DMTN: variants seen among roughly 807,000 people sequenced by gnomAD.
DMTN encodes the protein dematin actin binding protein, also known as dematin.
In DMTN, 27 loss-of-function variants were observed where a neutral mutation model predicts 59.4. That is an observed-to-expected ratio of 0.45 (90% CI 0.33 to 0.63). The LOEUF is 0.63. Among genes scored for constraint, DMTN ranks in the 20% least tolerant of loss-of-function variants. The pLI is 0.02. For missense variants in DMTN, 451 were observed against 528.9 expected (o/e 0.85, Z 1.45); for synonymous variants, 221 against 203.7 (o/e 1.08, Z -0.72).
chr8:22,069,811 C>G lies in DMTN; in HGVS notation c.395-70C>G, dbSNP rs75492119. 4,205 of 1,553,998 alleles carry G rather than the reference C, an allele frequency of 2.7e-3. 102 individuals carry two copies. The African/African-American group carries it at 0.052, about 19-fold the overall frequency. On this transcript the variant is annotated intron_variant, in intron 6 of 15. Coordinates refer to ENST00000358242, the MANE Select transcript of DMTN (RefSeq NM_001387751.1). ...TCCCCACCTTGTCCCGTTCCATCAT[C>G]TCCATTCTCCTGGCCCCAGCCTCCC... is the stretch of plus-strand genomic sequence containing the variant.
Position 22,082,249 on chromosome 8 carries a change from T to A in DMTN, c.*786T>A, listed in dbSNP as rs2131637064. On this transcript the variant is annotated 3_prime_UTR_variant, in exon 16 of 16. Transcript: ENST00000358242. ...ATTTTGGAGTGTCCTGGCTACCAGC[T>A]CTCACCTACACCCACGCACCCCCCC... 2 of 456,834 alleles carry A rather than the reference T, an allele frequency of 4.4e-6. No individual in the cohort carries two copies. Among genetic ancestry groups the A allele is most frequent in the Non-Finnish European group, 8.8e-6 (2 of 226,982 alleles). The allele number at this position is 456,834 out of a possible 1,614,324, so 28.3% of individuals were successfully genotyped here.
chr8:22,049,571 C>G (rs1585551345), upstream of DMTN, among the ~76,000 whole-genome samples: 51 of 15,614 alleles, frequency 3.3e-3, no homozygotes, highest in South Asian at 0.078. Flanking sequence ...CAGGGACAAC[C>G]CCCCCCCCCC....
Position 22,069,434 on chromosome 8 carries a change from C to T in DMTN, c.310C>T (p.Arg104Trp), listed in dbSNP as rs1585938627. ...PPSPEVWADS[R>W]SPGIISQASA... ...TGCTCTGCAGGTGTGGGCGGACAGC[C>T]GGTCGCCTGGAATCATCTCTCAGGC... Residue 104 changes from arginine to tryptophan, a missense_variant, in exon 6 of 16, where the codon CGG becomes TGG. Arg to Trp is a moderately radical substitution (Grantham distance 101, BLOSUM62 -3). Transcript: ENST00000358242. 6.2e-6 allele frequency: 10 copies of T among 1,613,096 alleles called. No individual in the cohort carries two copies. Among genetic ancestry groups the T allele is most frequent in the South Asian group, 1.1e-5 (1 of 90,982 alleles).
At chr8:22,067,924 C>G (rs915305542) in intron 4 of DMTN, among the ~76,000 whole-genome samples, 4 of 152,202 alleles carry the variant, frequency 2.6e-5, no homozygotes, top group Non-Finnish European at 5.9e-5. Flanking sequence ...CAGCAACACA[C>G]AAGAGGCACA....
chr8:22,069,709 G>A (rs1388825973), intron 6 of DMTN, among the ~76,000 whole-genome samples, 172 bp from the exon 7 acceptor site: 1 of 152,148 alleles, frequency 6.6e-6, no homozygotes, highest in Non-Finnish European at 1.5e-5. Context: ...CCGGAAAAGT[G>A]TAAAATGTCC....
At chr8:22,067,493 G>C (rs1435229804) in intron 3 of DMTN, 34 bp from the exon 4 acceptor site, 1 of 1,612,338 alleles carries the variant, frequency 6.2e-7, no homozygotes, top group Non-Finnish European at 8.5e-7. Flanking sequence ...CGGGGCTTTC[G>C]GCACAGCAGT....
At chr8:22,076,204 G>C (rs1177068975) in intron 10 of DMTN, among the ~76,000 whole-genome samples, 1 of 152,170 alleles carries the variant, frequency 6.6e-6, no homozygotes, top group African/African-American at 2.4e-5. Flanking sequence ...GGTGGAAGGT[G>C]CATCTGGCAG....
At chr8:22,080,300 G>A (rs1479770838) in intron 11 of DMTN, 56 bp downstream of exon 11, 1 of 1,613,304 alleles carries the variant, frequency 6.2e-7, no homozygotes, top group African/African-American at 1.3e-5. Context: ...CATGTGGGGT[G>A]CTGAGGGACT....
intron 6 of DMTN, 81 bp downstream of exon 6, chr8:22,069,599 A>T: frequency 8.1e-7 from 1 of 1,234,624 alleles, no homozygotes; most frequent in South Asian, 1.5e-5. Flanking sequence ...TCAGTCCCCC[A>T]CTCTCTGGGG....
intron 4 of DMTN, among the ~76,000 whole-genome samples, chr8:22,068,140 C>T (rs1231574835): frequency 1.3e-5 from 2 of 152,198 alleles, no homozygotes; most frequent in African/African-American, 2.4e-5. Flanking sequence ...AGGGTAGCGT[C>T]GTGGCTGACC....
chr8:22,081,094 C>CGGCGG lies in DMTN; in HGVS notation c.1024-19_1024-18insGGCGG. ...AGGATATTCTGTGAGCCTAAGATTG[C>CGGCGG]CCCTCCCCCCACCCCCAGATCTATC... is the stretch of plus-strand genomic sequence containing the variant. On this transcript the variant is annotated intron_variant, in intron 14 of 15. Coordinates refer to ENST00000358242, the MANE Select transcript of DMTN (RefSeq NM_001387751.1). 1 of 599,792 alleles carries CGGCGG rather than the reference C, an allele frequency of 1.7e-6. No homozygotes were observed. Among genetic ancestry groups the CGGCGG allele is most frequent in the Non-Finnish European group, 3.1e-6 (1 of 323,060 alleles). 37.2% of individuals were successfully genotyped at this position (599,792 alleles called of 1,614,324 possible).
rs1491381644 is a variant in DMTN at position 22,079,300 on chromosome 8, ATT to A, written c.836-879_836-878del. 2.7e-3 allele frequency among the ~76,000 whole-genome samples: 265 copies of A among 97,722 alleles called. 9 individuals carry two copies. Among genetic ancestry groups the A allele is most frequent in the African/African-American group, 9.9e-3 (230 of 23,152 alleles). The allele number at this position is 97,722 out of a possible 152,430, so 64.1% of individuals were successfully genotyped here. On this transcript the variant is annotated intron_variant, in intron 10 of 15. Transcript: ENST00000358242. Reference sequence around the variant, plus strand: ...TAAATATATATATATATATATATATATTAGCTGGGTTTGATGGCGCATGCCCC... The same window carrying A: ...TAAATATATATATATATATATATATAAGCTGGGTTTGATGGCGCATGCCCC...
chr8:22,071,986 T>G (rs551690940), intron 8 of DMTN, among the ~76,000 whole-genome samples: 73 of 151,872 alleles, frequency 4.8e-4, no homozygotes, highest in African/African-American at 1.7e-3. Flanking sequence ...CTCGAATTAC[T>G]GGGCTCAAGC....
At position 22,073,783 on chromosome 8, in the gene DMTN, G is replaced by A. The variant is rs780962300; in HGVS notation, c.783G>A (p.Leu261=). 2 of 1,614,068 alleles carry A rather than the reference G, an allele frequency of 1.2e-6. No individual in the cohort carries two copies. Among genetic ancestry groups the A allele is most frequent in the East Asian group, 4.5e-5 (2 of 44,882 alleles). Residue 261 remains leucine (L), a synonymous_variant, in exon 10 of 16, where the codon TTG becomes TTA. Transcript: ENST00000358242. ...TGAAAGAAGAGATGGAAAAGTCATT[G>A]CCGATCCGAAGGAAAACCCGCTCTC... is the stretch of plus-strand genomic sequence containing the variant. The part of the protein sequence containing the change: ...MILKEEMEKS[L]PIRRKTRSLP...
intron 1 of DMTN, among the ~76,000 whole-genome samples, chr8:22,064,183 GGGAT>G (rs1808686323): frequency 6.6e-6 from 1 of 152,132 alleles, no homozygotes; most frequent in Non-Finnish European, 1.5e-5. Context: ...GATGAATGCA[GGGAT>G]GGATAGATGG....
At chr8:22,052,818 G>C (rs1189587273), upstream of DMTN, among the ~76,000 whole-genome samples, 1 of 152,196 alleles carries the variant, frequency 6.6e-6, no homozygotes, top group Admixed American at 6.5e-5. Context: ...CTTTAGGGCA[G>C]TGAGATGTTC....
intron 8 of DMTN, 52 bp downstream of exon 8, chr8:22,070,386 C>G: frequency 2.6e-6 from 4 of 1,543,408 alleles, no homozygotes; most frequent in Middle Eastern, 1.7e-4. Flanking sequence ...TCCTGCACTC[C>G]CTCCCCTTGG....
chr8:22,051,821 A>G (rs1801383466), upstream of DMTN, among the ~76,000 whole-genome samples: 1 of 152,138 alleles, frequency 6.6e-6, no homozygotes, highest in South Asian at 2.1e-4. Flanking sequence ...CCAGTCCAGT[A>G]CATCCGAGTT....
chr8:22,049,556 C>A (rs1801120054), upstream of DMTN, among the ~76,000 whole-genome samples: 1 of 127,324 alleles, frequency 7.9e-6, no homozygotes, highest in African/African-American at 3.2e-5. Flanking sequence ...GGGAGGTCTT[C>A]CTCGCAGGGA....
Sources: allele counts gnomAD v4.1 joint callset (sites outside exome capture counted in the v4.1 genomes callset), GRCh38; gene constraint gnomAD v4.1.1; transcripts MANE v1.5; gene names NCBI Gene and HGNC (gene_info 2026-07-23, HGNC 2026-07-21).